IL7: variants seen among roughly 807,000 people sequenced by gnomAD.
The protein encoded by IL7 is interleukin 7, also known as interleukin-7.
Under a neutral mutation model 21.6 loss-of-function variants are expected in IL7, and 3 were observed. That is an observed-to-expected ratio of 0.14 (90% confidence interval 0.06 to 0.36). The LOEUF (loss-of-function observed/expected upper bound fraction) is 0.36. IL7 is among the 10% of genes least tolerant of loss of function. The pLI is 1.00. For synonymous variants in IL7, 62 were observed against 68.1 expected (o/e 0.91, Z 0.44); for missense variants, 175 against 200.2 (o/e 0.87, Z 0.76).
chr8:78,676,501 T>G (rs1235202218), intron 4 of IL7, among the ~76,000 whole-genome samples: 2 of 152,042 alleles, frequency 1.3e-5, no homozygotes, highest in Non-Finnish European at 2.9e-5. Context: ...ATTATGCCTA[T>G]GTACCTTACG....
intron 3 of IL7, among the ~76,000 whole-genome samples, chr8:78,739,469 G>A (rs1811706294): frequency 1.3e-5 from 2 of 152,102 alleles, no homozygotes; most frequent in African/African-American, 2.4e-5. Context: ...GGAGGCAGGC[G>A]GATCATGAGG....
At chr8:78,707,700 G>A (rs542287516) in intron 3 of IL7, among the ~76,000 whole-genome samples, 1 of 152,094 alleles carries the variant, frequency 6.6e-6, no homozygotes, top group South Asian at 2.1e-4. Flanking sequence ...TAAGATCCTT[G>A]CAGATTAAAG....
intron 2 of IL7, among the ~76,000 whole-genome samples, chr8:78,777,035 C>T (rs1813157308): frequency 6.6e-6 from 1 of 151,984 alleles, no homozygotes; most frequent in Non-Finnish European, 1.5e-5. Flanking sequence ...AATTAATAAC[C>T]TGCATAATAA....
intron 2 of IL7, among the ~76,000 whole-genome samples, chr8:78,780,928 A>C (rs995417921): frequency 6.6e-6 from 1 of 152,172 alleles, no homozygotes; most frequent in South Asian, 2.1e-4. Flanking sequence ...TATTGGGTGC[A>C]TATATATTTA....
chr8:78,765,776 T>G (rs1812737077), intron 2 of IL7, among the ~76,000 whole-genome samples: 1 of 152,136 alleles, frequency 6.6e-6, no homozygotes, highest in Non-Finnish European at 1.5e-5. Context: ...TTTGGTGGTC[T>G]TCTACAAAAC....
At chr8:78,717,529 A>C, downstream of IL7, 7 of 1,544,480 alleles carry the variant, frequency 4.5e-6, no homozygotes, top group Non-Finnish European at 6.1e-6. Context: ...CCAAGTTCAG[A>C]GTTTATGATT....
intron 3 of IL7, among the ~76,000 whole-genome samples, chr8:78,687,115 A>G (rs1810007007): frequency 6.6e-6 from 1 of 152,082 alleles, no homozygotes; most frequent in Admixed American, 6.6e-5. Flanking sequence ...AAGTTGCTTG[A>G]GTCATTGTTA....
At chr8:78,701,324 A>T (rs1030121550) in intron 3 of IL7, among the ~76,000 whole-genome samples, 2 of 152,074 alleles carry the variant, frequency 1.3e-5, no homozygotes, top group Non-Finnish European at 2.9e-5. Flanking sequence ...AATGCTAGTG[A>T]TTTTTGCACA....
At chr8:78,737,746 A>G (rs1337402486) in intron 4 of IL7, among the ~76,000 whole-genome samples, 1 of 152,192 alleles carries the variant, frequency 6.6e-6, no homozygotes, top group African/African-American at 2.4e-5. Flanking sequence ...GAAAATATTT[A>G]AAACCATAAA....
chr8:78,735,035 AAAC>A (rs1318671300), intron 5 of IL7, among the ~76,000 whole-genome samples: 1 of 152,178 alleles, frequency 6.6e-6, no homozygotes. Context: ...TTCAAAGATT[AAAC>A]AACAGATCTC....
At chr8:78,729,180 A>G (rs1292217779), downstream of IL7, among the ~76,000 whole-genome samples, 1 of 151,942 alleles carries the variant, frequency 6.6e-6, no homozygotes, top group South Asian at 2.1e-4. Flanking sequence ...TTCCTGTTTC[A>G]TCTAACCTAA....
At chr8:78,762,865 G>A (rs916846282) in intron 2 of IL7, among the ~76,000 whole-genome samples, 4 of 151,882 alleles carry the variant, frequency 2.6e-5, no homozygotes, top group Non-Finnish European at 5.9e-5. Flanking sequence ...CCTTATCTGT[G>A]CATCTATTTT....
chr8:78,768,589 A>G (rs1466364545), intron 2 of IL7, among the ~76,000 whole-genome samples: 3 of 151,082 alleles, frequency 2.0e-5, no homozygotes, highest in Non-Finnish European at 4.4e-5. Flanking sequence ...GTGTCTGTTC[A>G]TGTCCTTTGC....
At chr8:78,730,843 T>G (rs1811412789), downstream of IL7, among the ~76,000 whole-genome samples, 1 of 151,992 alleles carries the variant, frequency 6.6e-6, no homozygotes, top group Non-Finnish European at 1.5e-5. Flanking sequence ...TAATGAATGA[T>G]GCAGGCTTAA....
At chr8:78,746,805 G>T (rs1371887135) in intron 2 of IL7, 3 of 345,190 alleles carry the variant, frequency 8.7e-6, no homozygotes, top group African/African-American at 2.2e-5. Context: ...GACTGATAGA[G>T]AACTATTGCT....
At chr8:78,718,211 A>G (rs1811165175) in intron 6 of IL7, 1 of 151,966 alleles carries the variant, frequency 6.6e-6, no homozygotes, top group Non-Finnish European at 1.5e-5. Context: ...TTCGTTGAAC[A>G]TATTTTTTTA....
intron 4 of IL7, among the ~76,000 whole-genome samples, chr8:78,682,271 A>G (rs911294277): frequency 9.2e-5 from 14 of 152,150 alleles, no homozygotes; most frequent in African/African-American, 3.4e-4. Flanking sequence ...CAATACAGTT[A>G]GATAAGAAGA....
chr8:78,761,275 G>A (rs1812546944), intron 2 of IL7: 6 of 1,608,798 alleles, frequency 3.7e-6, no homozygotes, highest in East Asian at 4.5e-5. Context: ...AAACTTCCTC[G>A]ATTGTTCCTA....
downstream of IL7, chr8:78,717,759 A>T (rs1563643023): frequency 8.3e-6 from 2 of 239,912 alleles, no homozygotes; most frequent in Admixed American, 1.0e-4. Flanking sequence ...CAAATGGAAC[A>T]ATTAATTTAG....
Sources: allele counts gnomAD v4.1 joint callset (sites outside exome capture counted in the v4.1 genomes callset), GRCh38; gene constraint gnomAD v4.1.1; transcripts MANE v1.5; gene names NCBI Gene and HGNC (gene_info 2026-07-23, HGNC 2026-07-21).